Variants in ARHGAP18 observed in about 807,000 individuals in gnomAD.
The protein encoded by ARHGAP18 is Rho GTPase activating protein 18, also known as rho GTPase-activating protein 18.
In ARHGAP18, 67 loss-of-function variants were observed where a neutral mutation model predicts 86.2. The ratio of observed to expected loss-of-function variants is 0.78; its 90% CI spans 0.64 to 0.95. The LOEUF is 0.95. Among genes scored for constraint, ARHGAP18 ranks in the 40% least tolerant of loss-of-function variants. ARHGAP18 has a pLI of 0.00. For missense variants in ARHGAP18, 691 were observed against 780.4 expected (o/e 0.89, Z 1.37); for synonymous variants, 283 against 280.4 (o/e 1.01, Z -0.09).
chr6:129,608,179 T>TA, intron 8 of ARHGAP18, 127 bp from the exon 9 acceptor site: 1 of 1,139,828 alleles, frequency 8.8e-7, no homozygotes, highest in Non-Finnish European at 1.2e-6. Flanking sequence ...CAAATCAGAC[T>TA]ACCAAAAGTC....
chr6:129,693,904 C>T (rs1385045131), intron 1 of ARHGAP18, among the ~76,000 whole-genome samples: 4 of 141,932 alleles, frequency 2.8e-5, no homozygotes, highest in East Asian at 2.0e-4. Context: ...CCCAGTTATA[C>T]GAACAGCTGA....
At chr6:129,674,267 G>T (rs187332640) in intron 1 of ARHGAP18, among the ~76,000 whole-genome samples, 200 of 152,280 alleles carry the variant, frequency 1.3e-3, no homozygotes, top group African/African-American at 4.5e-3. Flanking sequence ...TGCCTGCCTG[G>T]TTCCATCATT....
intron 1 of ARHGAP18, among the ~76,000 whole-genome samples, chr6:129,655,048 C>T (rs746479133): frequency 2.0e-4 from 30 of 152,060 alleles, no homozygotes; most frequent in Non-Finnish European, 4.0e-4. Context: ...CGGCCGGGTG[C>T]GGTGGCTCAC....
intron 1 of ARHGAP18, among the ~76,000 whole-genome samples, chr6:129,660,121 G>T (rs1278283741): frequency 1.3e-5 from 2 of 152,204 alleles, no homozygotes; most frequent in Non-Finnish European, 2.9e-5. Context: ...GCCAAATCCT[G>T]CAGGACCTTG....
At chr6:129,624,822 A>G (rs558390187) in intron 5 of ARHGAP18, among the ~76,000 whole-genome samples, 2 of 148,810 alleles carry the variant, frequency 1.3e-5, no homozygotes, top group South Asian at 2.1e-4. Context: ...GTGGGCACCT[A>G]TAATCCCAGC....
At chr6:129,707,846 G>T (rs1774827646) in intron 1 of ARHGAP18, among the ~76,000 whole-genome samples, 1 of 151,662 alleles carries the variant, frequency 6.6e-6, no homozygotes, top group Non-Finnish European at 1.5e-5. Flanking sequence ...TTACTTTTTG[G>T]AGAACTTCTT....
At chr6:129,641,351 G>A (rs1048134872) in intron 2 of ARHGAP18, among the ~76,000 whole-genome samples, 2 of 152,192 alleles carry the variant, frequency 1.3e-5, no homozygotes, top group South Asian at 4.1e-4. Context: ...ACTACAGCAA[G>A]AGAGTCAAAG....
intron 1 of ARHGAP18, among the ~76,000 whole-genome samples, chr6:129,669,227 A>C (rs1425880378): frequency 6.6e-6 from 1 of 151,270 alleles, no homozygotes; most frequent in Non-Finnish European, 1.5e-5. Context: ...GCTGGAGTGC[A>C]ATGGCGAGGT....
intron 1 of ARHGAP18, among the ~76,000 whole-genome samples, chr6:129,707,904 G>C (rs1774828319): frequency 6.6e-6 from 1 of 151,748 alleles, no homozygotes; most frequent in African/African-American, 2.4e-5. Flanking sequence ...AGCTTCCCAG[G>C]GCTTAAAACA....
At chr6:129,607,611 G>C (rs1788881224) in intron 9 of ARHGAP18, among the ~76,000 whole-genome samples, 1 of 152,136 alleles carries the variant, frequency 6.6e-6, no homozygotes, top group Non-Finnish European at 1.5e-5. Context: ...AGAGAAACAT[G>C]AAGTTTCCAG....
chr6:129,594,777 G>A (rs1160400719), intron 12 of ARHGAP18, among the ~76,000 whole-genome samples: 1 of 152,056 alleles, frequency 6.6e-6, no homozygotes, highest in African/African-American at 2.4e-5. Context: ...GGTTCCTATT[G>A]GCTCACATTC....
At chr6:129,593,042 T>C (rs1233303205) in intron 12 of ARHGAP18, among the ~76,000 whole-genome samples, 1 of 152,088 alleles carries the variant, frequency 6.6e-6, no homozygotes, top group Non-Finnish European at 1.5e-5. Flanking sequence ...AACACACCAA[T>C]AGGAAGAGGG....
rs1374903990 is a variant in ARHGAP18 at position 129,600,771 on chromosome 6, G to A, written c.1443C>T (p.Val481=). ...GACACATAAAGAGATTCGGGGCCAT[G>A]ACCATTGCTACATTCATGACTGTCA... ...NKMTVMNVAM[V]MAPNLFMCHA... The change falls in exon 11 of 15, where the codon GTC becomes GTT. Residue 481 remains valine, a synonymous_variant. Coordinates refer to ENST00000368149, the MANE Select transcript of ARHGAP18 (RefSeq NM_033515.3). The A allele has an allele frequency of 4.3e-6, 7 of 1,613,616 alleles. No homozygotes were observed. The South Asian group carries it at 7.7e-5, about 18-fold the overall frequency.
intron 12 of ARHGAP18, among the ~76,000 whole-genome samples, chr6:129,591,522 G>T (rs1474989283): frequency 2.6e-5 from 4 of 151,888 alleles, no homozygotes; most frequent in Admixed American, 2.0e-4. Flanking sequence ...GACCTCATAT[G>T]GTCTTCACAT....
At chr6:129,592,325 T>C (rs1284443159) in intron 12 of ARHGAP18, among the ~76,000 whole-genome samples, 1 of 152,220 alleles carries the variant, frequency 6.6e-6, no homozygotes, top group Non-Finnish European at 1.5e-5. Context: ...TAAACAGAGT[T>C]GTGCATAAAG....
At position 129,578,327 on chromosome 6, in the gene ARHGAP18, T is replaced by C; in HGVS notation, c.*186A>G. The C allele has an allele frequency of 7.4e-6, 2 of 268,998 alleles. No individual in the cohort carries two copies. Among genetic ancestry groups the C allele is most frequent in the Non-Finnish European group, 1.4e-5 (2 of 147,386 alleles). The allele number at this position is 268,998 out of a possible 1,614,324, so 16.7% of individuals were successfully genotyped here. A position where few individuals can be genotyped will look rare whatever the true frequency, so the allele number is the denominator to read the frequency against. On this transcript the variant is annotated 3_prime_UTR_variant, in exon 15 of 15. Transcript: ENST00000368149. ...GAAATTTTTTTTCTAATAATAACAT[T>C]AATAATAATTAATATAATTCTGGCA...
intron 12 of ARHGAP18, among the ~76,000 whole-genome samples, chr6:129,594,096 C>T (rs1183510865): frequency 6.6e-6 from 1 of 152,152 alleles, no homozygotes; most frequent in African/African-American, 2.4e-5. Context: ...CAGGTGCATG[C>T]CACTGCATTG....
In ARHGAP18 at chr6:129,605,949, G is replaced by A. The variant is rs1788844460; in HGVS notation, c.1293C>T (p.Thr431=). ...TCAAAGCCTGTAGTTGCTGCTTCTT[G>A]GTTGGAAGATCTGCAGACAAATTAA... ...KAFQAVQNLP[T]KKQQLQALNL... The change falls in exon 10 of 15, where the codon ACC becomes ACT. Residue 431 remains threonine (T), a synonymous_variant. Coordinates refer to ENST00000368149, the MANE Select transcript of ARHGAP18 (RefSeq NM_033515.3). The A allele has an allele frequency of 6.2e-7, 1 of 1,613,210 alleles. No homozygotes were observed. Among genetic ancestry groups the A allele is most frequent in the Admixed American group, 1.7e-5 (1 of 59,978 alleles).
chr6:129,690,946 G>A (rs1330577783), intron 1 of ARHGAP18, among the ~76,000 whole-genome samples: 4 of 152,068 alleles, frequency 2.6e-5, no homozygotes, highest in Non-Finnish European at 5.9e-5. Context: ...CCTTTGAATT[G>A]TATTTTTTAA....
Sources: allele counts gnomAD v4.1 joint callset (sites outside exome capture counted in the v4.1 genomes callset), GRCh38; gene constraint gnomAD v4.1.1; transcripts MANE v1.5; gene names NCBI Gene and HGNC (gene_info 2026-07-23, HGNC 2026-07-21).